NCOA3: variants seen among roughly 807,000 people sequenced by gnomAD.
NCOA3 encodes the protein nuclear receptor coactivator 3.
A neutral mutation model predicts 158.8 loss-of-function variants in NCOA3; 51 were observed. The observed-to-expected ratio is 0.32, with a 90% CI of 0.26 to 0.41. NCOA3 has a LOEUF of 0.41. Ranked by LOEUF, NCOA3 falls within the 10% of genes least tolerant of loss-of-function variation. The pLI is 1.00. For missense variants in NCOA3, 1,510 were observed against 1,746.6 expected, an observed-to-expected ratio of 0.86 and a Z score of 2.41; for synonymous variants, 537 against 592.4, an observed-to-expected ratio of 0.91 and a Z score of 1.36.
Position 47,518,481 on chromosome 20 carries a change from T to TGGCAGGCTGG in NCOA3, c.-99+16466_-99+16467insGGCTGGGGCA, listed in dbSNP as rs887712727. Among the ~76,000 whole-genome samples, 23 of 146,778 alleles carry TGGCAGGCTGG rather than the reference T, an allele frequency of 1.6e-4. 1 individual carries two copies. The highest frequency in any genetic ancestry group is 7.4e-3 in the Middle Eastern group (2 of 272). On this transcript the variant is annotated intron_variant, in intron 1 of 22. Transcript: ENST00000371998. Reference sequence around the variant, plus strand: ...GTTGCCTGCCCAGGCTGCAGTGCAATGGCATGATCTCGGCTCACTGCAACC... The same window carrying TGGCAGGCTGG: ...GTTGCCTGCCCAGGCTGCAGTGCAATGGCAGGCTGGGGCATGATCTCGGCTCACTGCAACC...
rs1394097658 is a variant in NCOA3 at position 47,636,072 on chromosome 20, A to G, written c.1686A>G (p.Val562=). 1.1e-5 allele frequency: 18 copies of G among 1,614,044 alleles called. No individual in the cohort carries two copies. The highest frequency in any genetic ancestry group is 1.5e-5 in the Non-Finnish European group (18 of 1,180,026). Residue 562 remains valine (V), a synonymous_variant, in exon 12 of 23, where the codon GTA becomes GTG. Coordinates refer to ENST00000371998, the MANE Select transcript of NCOA3 (RefSeq NM_181659.3). ...TGAATATTACCCAACCAAGTAAAGTAAGCAATCAGGATTCCAAGAGTCCTC... is the reference window on the plus strand; with the variant it reads ...TGAATATTACCCAACCAAGTAAAGTGAGCAATCAGGATTCCAAGAGTCCTC... ...PNMNITQPSK[V]SNQDSKSPLG...
chr20:47,632,647 A>G (rs1261550799), intron 8 of NCOA3, among the ~76,000 whole-genome samples: 1 of 150,646 alleles, frequency 6.6e-6, no homozygotes, highest in African/African-American at 2.4e-5. Context: ...TGGCCTCCCA[A>G]AGTGCTGGGA....
chr20:47,557,237 A>G (rs1445801307), intron 1 of NCOA3, among the ~76,000 whole-genome samples: 1 of 152,086 alleles, frequency 6.6e-6, no homozygotes, highest in South Asian at 2.1e-4. Flanking sequence ...AATAGCTTAC[A>G]GTCCTGTCAA....
intron 2 of NCOA3, among the ~76,000 whole-genome samples, chr20:47,609,592 G>A (rs1023770749): frequency 6.6e-6 from 1 of 152,076 alleles, no homozygotes; most frequent in African/African-American, 2.4e-5. Flanking sequence ...AGCTGGTTGT[G>A]GTGGTGCACA....
chr20:47,598,930 T>C (rs2085810816), intron 2 of NCOA3, among the ~76,000 whole-genome samples: 1 of 152,238 alleles, frequency 6.6e-6, no homozygotes. Flanking sequence ...GTATTTTTAC[T>C]GTACCTTTTC....
intron 17 of NCOA3, among the ~76,000 whole-genome samples, 163 bp from the exon 18 acceptor site, chr20:47,646,910 T>G (rs2086694271): frequency 6.6e-6 from 1 of 152,236 alleles, no homozygotes; most frequent in African/African-American, 2.4e-5. Context: ...GATGTTATTT[T>G]GAATGTATCC....
chr20:47,553,644 C>T (rs556962270), intron 1 of NCOA3, among the ~76,000 whole-genome samples: 6 of 146,674 alleles, frequency 4.1e-5, no homozygotes, highest in East Asian at 2.1e-4. Context: ...TGAGAACATG[C>T]GGTGTTTGGT....
chr20:47,512,192 CAA>C (rs2084153499), intron 1 of NCOA3, among the ~76,000 whole-genome samples: 2 of 150,378 alleles, frequency 1.3e-5, no homozygotes, highest in African/African-American at 5.0e-5. Context: ...TTACAAAAAA[CAA>C]AATATAAACA....
chr20:47,592,129 G>A (rs1376426194), intron 2 of NCOA3, among the ~76,000 whole-genome samples: 2 of 152,088 alleles, frequency 1.3e-5, no homozygotes, highest in African/African-American at 2.4e-5. Context: ...TGCAACCTCC[G>A]CCTCCTGGGT....
chr20:47,502,598 T>C (rs1420946966), intron 1 of NCOA3, among the ~76,000 whole-genome samples: 1 of 152,022 alleles, frequency 6.6e-6, no homozygotes, highest in African/African-American at 2.4e-5. Flanking sequence ...AGCTTCTTAG[T>C]TTTCTCGGTA....
chr20:47,618,221 T>G (rs920132058), intron 2 of NCOA3, among the ~76,000 whole-genome samples: 3 of 151,954 alleles, frequency 2.0e-5, no homozygotes, highest in African/African-American at 7.2e-5. Context: ...GGTGACAGAG[T>G]GAGACTCTTG....
intron 1 of NCOA3, among the ~76,000 whole-genome samples, chr20:47,540,172 T>G (rs1602370460): frequency 6.6e-6 from 1 of 152,192 alleles, no homozygotes; most frequent in African/African-American, 2.4e-5. Flanking sequence ...TACATTGGCC[T>G]GTATGTCAAC....
chr20:47,505,646 T>C (rs2084020442), intron 1 of NCOA3, among the ~76,000 whole-genome samples: 1 of 152,184 alleles, frequency 6.6e-6, no homozygotes, highest in South Asian at 2.1e-4. Context: ...GTTAAAGCTC[T>C]GAGAGCAGAA....
chr20:47,644,180 C>T (rs946644423), intron 17 of NCOA3, among the ~76,000 whole-genome samples: 1 of 151,568 alleles, frequency 6.6e-6, no homozygotes, highest in Non-Finnish European at 1.5e-5. Flanking sequence ...CGCTCTGTCG[C>T]CCAGGCTGGA....
intron 1 of NCOA3, among the ~76,000 whole-genome samples, chr20:47,546,342 G>A (rs1049565241): frequency 6.6e-6 from 1 of 152,034 alleles, no homozygotes; most frequent in African/African-American, 2.4e-5. Context: ...ATCCTAATAA[G>A]TCTTCCTGCA....
rs762194641 is a variant in NCOA3, at chr20:47,639,760, G to A, written c.2891G>A (p.Arg964Gln). The change falls in exon 15 of 23, where the codon CGG becomes CAG. Residue 964 changes from arginine to glutamine, a missense_variant. Arg to Gln is a conservative substitution (Grantham distance 43). Transcript: ENST00000371998. ...GGCTCTATTCCCACATTGCCTCTTC[G>A]GTCTAATAGCATACCAGGTGCGAGA... ...LGGSIPTLPLRSNSIPGARPV... is the reference protein window; with the variant it reads ...LGGSIPTLPLQSNSIPGARPV... 53 of 1,613,960 alleles carry A rather than the reference G, an allele frequency of 3.3e-5. No homozygotes were observed. The highest frequency in any genetic ancestry group is 1.6e-4 in the Middle Eastern group (1 of 6,084).
intron 22 of NCOA3, 38 bp from the exon 23 acceptor site, chr20:47,653,368 A>ATTTTTTTTTTTTTTTTT: frequency 4.3e-6 from 6 of 1,389,732 alleles, no homozygotes; most frequent in East Asian, 2.4e-5. Context: ...TGTTTTACTC[A>ATTTTTTTTTTTTTTTTT]TTTTTTTTTT....
At chr20:47,583,798 A>G (rs2085490628) in intron 2 of NCOA3, among the ~76,000 whole-genome samples, 1 of 152,098 alleles carries the variant, frequency 6.6e-6, no homozygotes. Flanking sequence ...TCTACAGAGA[A>G]TGCAAAAACT....
intron 1 of NCOA3, among the ~76,000 whole-genome samples, chr20:47,565,659 T>A (rs1369090718): frequency 6.6e-6 from 1 of 152,094 alleles, no homozygotes; most frequent in Non-Finnish European, 1.5e-5. Flanking sequence ...GAGGTTGCCT[T>A]GAGCTCTGGT....
Sources: gnomAD v4.1 joint callset for allele counts (sites outside exome capture counted in the v4.1 genomes callset) on GRCh38, gnomAD v4.1.1 for gene constraint, MANE v1.5 for transcripts, NCBI Gene and HGNC (gene_info 2026-07-23, HGNC 2026-07-21) for gene names.